POLD1: variants seen among roughly 807,000 people sequenced by gnomAD.
POLD1 encodes the protein DNA polymerase delta catalytic subunit.
POLD1 carries 79 observed loss-of-function variants against 129.7 expected under a neutral mutation model. The observed-to-expected ratio is 0.61, with a 90% confidence interval of 0.51 to 0.73. The LOEUF is 0.73. POLD1 is among the 30% of genes least tolerant of loss of function. The pLI, the probability that POLD1 is intolerant of heterozygous loss-of-function variation, is 0.00. For missense variants in POLD1, 1,338 were observed against 1,595.8 expected, an observed-to-expected ratio of 0.84 and a Z score of 2.75; for synonymous variants, 714 against 683.3, an observed-to-expected ratio of 1.04 and a Z score of -0.70.
chr19:50,409,155 C>T lies in POLD1; in HGVS notation c.1926C>T (p.Thr642=), dbSNP rs147312151. 2.7e-5 allele frequency: 44 copies of T among 1,613,414 alleles called. No homozygotes were observed. The highest frequency in any genetic ancestry group is 1.1e-5 in the South Asian group (1 of 91,060). The change falls in exon 16 of 27, where the codon ACC becomes ACT. Residue 642 remains threonine (T), a synonymous_variant. Transcript: ENST00000440232. The surrounding 1 kb of genome is among the most constrained non-coding windows in gnomAD (Gnocchi z 5.8). ...LTEDQFIRTP[T]GDEFVKTSVR... ...AGGATCAGTTCATCAGGACCCCCAC[C>T]GGGGACGAGTTTGTGAAGACCTCAG...
At chr19:50,398,745 G>C (rs1173320547) in intron 1 of POLD1, 106 bp from the exon 2 acceptor site, 4 of 1,509,210 alleles carry the variant, frequency 2.7e-6, no homozygotes, top group Middle Eastern at 2.4e-4. Flanking sequence ...AGCCAGTCCA[G>C]AGTAGGAAAA....
Position 50,406,605 on chromosome 19 carries a change from C to A in POLD1, c.1494+88C>A, listed in dbSNP as rs2038895498. On this transcript the variant is annotated intron_variant, in intron 12 of 26. Coordinates refer to ENST00000440232, the MANE Select transcript of POLD1 (RefSeq NM_002691.4). This position sits in a 1 kb window ranked among gnomAD's most constrained non-coding sequence, Gnocchi z 5.5. ...CTCTGACCTCAACTTCACGCCCCCA[C>A]GTCTGACCTCACTCTTTGACCTGCT... is the stretch of plus-strand genomic sequence containing the variant. 1 of 946,876 alleles carries A rather than the reference C, an allele frequency of 1.1e-6. No homozygotes were observed. The highest frequency in any genetic ancestry group is 2.0e-5 in the Admixed American group (1 of 49,652). The allele number at this position is 946,876 out of a possible 1,614,324, so 58.7% of individuals were successfully genotyped here.
At chr19:50,398,288 A>G (rs908433928) in intron 1 of POLD1, among the ~76,000 whole-genome samples, 2 of 152,146 alleles carry the variant, frequency 1.3e-5, no homozygotes, top group Admixed American at 6.6e-5. Context: ...GAGATGTGCC[A>G]AGGCCGGGCG....
rs2122245555 is a variant in POLD1, at chr19:50,402,305, C to T, written c.690C>T (p.Gly230=). Residue 230 remains glycine, a synonymous_variant, in exon 6 of 27, where the codon GGC becomes GGT. Coordinates refer to ENST00000440232, the MANE Select transcript of POLD1 (RefSeq NM_002691.4). Reference sequence around the variant, plus strand: ...CGGCCCGCCGTCTCCTGGAACAGGGCATCCGTGTGGCAGGCCTGGGCACGC... The same window carrying T: ...CGGCCCGCCGTCTCCTGGAACAGGGTATCCGTGTGGCAGGCCTGGGCACGC... ...VAPARRLLEQ[G]IRVAGLGTPS... 3 of 1,611,112 alleles carry T rather than the reference C, an allele frequency of 1.9e-6. No homozygotes were observed. The highest frequency in any genetic ancestry group is 2.5e-6 in the Non-Finnish European group (3 of 1,178,112).
At position 50,416,698 on chromosome 19, in the gene POLD1, C is replaced by T. The variant is rs1601247713; in HGVS notation, c.3042C>T (p.Gly1014=). ...CCAAACGCCGCAACTGCTGCATTGG[C>T]TGCCGCACAGTGCTCAGCCACCAGG... ...AFAKRRNCCI[G]CRTVLSHQGA... The change falls in exon 24 of 27, where the codon GGC becomes GGT. Residue 1014 remains glycine (G), a synonymous_variant. Coordinates refer to ENST00000440232, the MANE Select transcript of POLD1 (RefSeq NM_002691.4). 1 of 1,543,820 alleles carries T rather than the reference C, an allele frequency of 6.5e-7. No homozygotes were observed. The highest frequency in any genetic ancestry group is 2.4e-5 in the East Asian group (1 of 41,150).
intron 17 of POLD1, among the ~76,000 whole-genome samples, chr19:50,410,533 C>G (rs2039054521): frequency 6.6e-6 from 1 of 152,130 alleles, no homozygotes; most frequent in Non-Finnish European, 1.5e-5. Flanking sequence ...TAGAAGTACT[C>G]AGAGAGCAGA....
At chr19:50,391,116 A>AGG (rs1175284320) in intron 1 of POLD1, among the ~76,000 whole-genome samples, 4 of 151,456 alleles carry the variant, frequency 2.6e-5, no homozygotes, top group African/African-American at 7.3e-5. Flanking sequence ...GGCCAGGCAG[A>AGG]GGCGCTCCTC....
At chr19:50,395,876 CTTTT>C (rs774272686) in intron 1 of POLD1, among the ~76,000 whole-genome samples, 14 of 73,654 alleles carry the variant, frequency 1.9e-4, no homozygotes, top group African/African-American at 4.0e-4. Context: ...AGGATATATA[CTTTT>C]TTTTTTTTTT....
intron 5 of POLD1, 39 bp from the exon 6 acceptor site, chr19:50,402,166 G>C (rs369577290): frequency 6.3e-7 from 1 of 1,592,012 alleles, no homozygotes; most frequent in South Asian, 1.2e-5. Context: ...GGGTCCCCTC[G>C]GGAGGCCATT....
chr19:50,388,414 G>T (rs1289613726), intron 1 of POLD1, among the ~76,000 whole-genome samples: 1 of 152,148 alleles, frequency 6.6e-6, no homozygotes, highest in African/African-American at 2.4e-5. Context: ...ATAGAATGAT[G>T]CATTAAAAGC....
At position 50,413,722 on chromosome 19, in the gene POLD1, C is replaced by T. The variant is rs2122444748; in HGVS notation, c.2251-20C>T. The T allele has an allele frequency of 1.3e-6, 2 of 1,584,436 alleles. No homozygotes were observed. Among genetic ancestry groups the T allele is most frequent in the South Asian group, 1.1e-5 (1 of 87,696 alleles). On this transcript the variant is annotated intron_variant, in intron 18 of 26. Coordinates refer to ENST00000440232, the MANE Select transcript of POLD1 (RefSeq NM_002691.4). Reference sequence around the variant, plus strand: ...GAAGGGACCCTGCTTCTCACATACACACATCCCCACCGCCCGCAGGTGGTG... The same window carrying T: ...GAAGGGACCCTGCTTCTCACATACATACATCCCCACCGCCCGCAGGTGGTG...
chr19:50,391,887 A>AT (rs975335431), intron 1 of POLD1, among the ~76,000 whole-genome samples: 21 of 149,862 alleles, frequency 1.4e-4, no homozygotes, highest in East Asian at 2.0e-4. Context: ...TAATTTTTGT[A>AT]TTTTTTTTAG....
intron 10 of POLD1, among the ~76,000 whole-genome samples, chr19:50,405,429 T>A (rs541015187): frequency 6.6e-6 from 1 of 152,282 alleles, no homozygotes; most frequent in South Asian, 2.1e-4. Context: ...GCCAGCTTGG[T>A]AATGGAAAAA....
In POLD1 at chr19:50,406,034, C is replaced by T. The variant is rs1441695772; in HGVS notation, c.1243-148C>T. The T allele has an allele frequency of 6.7e-6, 6 of 896,186 alleles. No homozygotes were observed. The highest frequency in any genetic ancestry group is 3.3e-4 in the Middle Eastern group (1 of 3,000). The allele number at this position is 896,186 out of a possible 1,614,324, so 55.5% of individuals were successfully genotyped here. On this transcript the variant is annotated intron_variant, in intron 10 of 26. Transcript: ENST00000440232. This position sits in a 1 kb window ranked among gnomAD's most constrained non-coding sequence, Gnocchi z 5.5. ...CTCCCCAGTCTCCAGCCACCCACAC[C>T]CAGCCCCAGACCGTCTTTCTGCCCC...
At position 50,407,095 on chromosome 19, in the gene POLD1, C is replaced by T. The variant is rs779735891; in HGVS notation, c.1607C>T (p.Ala536Val). 8.7e-6 allele frequency: 14 copies of T among 1,613,532 alleles called. No individual in the cohort carries two copies. The African/African-American group carries it at 1.3e-4, about 15-fold the overall frequency. Residue 536 changes from alanine (A) to valine (V), a missense_variant, in exon 13 of 27, where the codon GCG becomes GTG. This residue lies in a region of POLD1 where 720 missense variants were observed against 1,002.6 expected (regional missense o/e 0.72). Coordinates refer to ENST00000440232, the MANE Select transcript of POLD1 (RefSeq NM_002691.4). ...LMVLVNAVEMARVTGVPLSYL... is the reference protein window; with the variant it reads ...LMVLVNAVEMVRVTGVPLSYL... ...GTGCTGGTGAACGCCGTGGAGATGG[C>T]GAGGGTCACTGGCGTGCCCCTCAGC...
intron 10 of POLD1, among the ~76,000 whole-genome samples, chr19:50,404,215 C>T (rs2038777999): frequency 6.6e-6 from 1 of 152,080 alleles, no homozygotes; most frequent in Admixed American, 6.6e-5. Context: ...CCCCCTGTGC[C>T]TCTTCACACC....
At chr19:50,414,130 C>G (rs2039190784) in intron 19 of POLD1, among the ~76,000 whole-genome samples, 1 of 152,232 alleles carries the variant, frequency 6.6e-6, no homozygotes, top group Admixed American at 6.5e-5. Flanking sequence ...TTGAGGTTTC[C>G]CAGTACCTGT....
Position 50,399,565 on chromosome 19 carries a change from T to TG in POLD1, c.316+82dup, listed in dbSNP as rs2038507377. 3.8e-6 allele frequency: 4 copies of TG among 1,060,260 alleles called. No individual in the cohort carries two copies. In the South Asian group the frequency reaches 3.9e-5, roughly 10 times the overall value. The allele number at this position is 1,060,260 out of a possible 1,614,324, so 65.7% of individuals were successfully genotyped here. Reference sequence around the variant, plus strand: ...CGGGCCAGGTCAGCCCCTCTGGCCCTGTGCTCCTGGGGCAGAGGCCGGGCC... The same window carrying TG: ...CGGGCCAGGTCAGCCCCTCTGGCCCTGGTGCTCCTGGGGCAGAGGCCGGGCC... On this transcript the variant is annotated intron_variant, in intron 3 of 26. Transcript: ENST00000440232.
rs2038888433 is a variant in POLD1, at chr19:50,406,479, AAGG to A, written c.1461_1463del (p.Glu487del). ...GAGCTTCCACTTCCTGGGCGAGCAG[AAGG>A]AGGACGTGCAGCACAGCATCATCAC... is the stretch of plus-strand genomic sequence containing the variant. On this transcript the variant is annotated inframe_deletion, in exon 12 of 27. Coordinates refer to ENST00000440232, the MANE Select transcript of POLD1 (RefSeq NM_002691.4). The surrounding 1 kb of genome is among the most constrained non-coding windows in gnomAD (Gnocchi z 5.5). 1 of 1,595,834 alleles carries A rather than the reference AAGG, an allele frequency of 6.3e-7. No homozygotes were observed. The highest frequency in any genetic ancestry group is 8.5e-7 in the Non-Finnish European group (1 of 1,170,902).
Sources: allele counts gnomAD v4.1 joint callset (sites outside exome capture counted in the v4.1 genomes callset), GRCh38; gene constraint gnomAD v4.1.1; regional missense constraint gnomAD v4.1.1; non-coding constraint Gnocchi (gnomAD v3.1); transcripts MANE v1.5; gene names NCBI Gene and HGNC (gene_info 2026-07-23, HGNC 2026-07-21).